RAD54L2: variants seen among roughly 807,000 people sequenced by gnomAD.
RAD54L2 encodes the protein helicase ARIP4.
A neutral mutation model predicts 138.4 loss-of-function variants in RAD54L2; 27 were observed. That is an observed-to-expected ratio of 0.20 (90% CI 0.14 to 0.27). RAD54L2 has a LOEUF of 0.27. Among genes scored for constraint, RAD54L2 ranks in the 10% least tolerant of loss-of-function variants. RAD54L2 has a pLI of 1.00. For synonymous variants in RAD54L2, 644 were observed against 723.2 expected (o/e 0.89, Z 1.76); for missense variants, 1,396 against 1,890.2 (o/e 0.74, Z 4.85).
chr3:51,605,366 A>G (rs1450859147), intron 3 of RAD54L2, among the ~76,000 whole-genome samples: 3 of 149,458 alleles, frequency 2.0e-5, no homozygotes, highest in Admixed American at 6.7e-5. Flanking sequence ...TGAGATTACA[A>G]CTGTGAGCCA....
intron 15 of RAD54L2, among the ~76,000 whole-genome samples, chr3:51,643,592 C>T (rs991992880): frequency 6.6e-6 from 1 of 152,176 alleles, no homozygotes; most frequent in Non-Finnish European, 1.5e-5. Flanking sequence ...GATTACTATA[C>T]ATTCCGAAGT....
chr3:51,572,609 C>T (rs1179488794), intron 2 of RAD54L2, among the ~76,000 whole-genome samples: 1 of 150,134 alleles, frequency 6.7e-6, no homozygotes, highest in Non-Finnish European at 1.5e-5. Flanking sequence ...CAGAACAAGA[C>T]GTCTCAAAAA....
chr3:51,591,345 T>C (rs938335854), intron 3 of RAD54L2, among the ~76,000 whole-genome samples: 1 of 152,244 alleles, frequency 6.6e-6, no homozygotes, highest in African/African-American at 2.4e-5. Flanking sequence ...GGTTTTTGTC[T>C]GTTCATAACA....
intron 3 of RAD54L2, among the ~76,000 whole-genome samples, chr3:51,612,858 A>G (rs564289329): frequency 8.0e-4 from 122 of 152,284 alleles, no homozygotes; most frequent in Middle Eastern, 3.4e-3. Flanking sequence ...TTTAATTTGG[A>G]TTTTAAAAGT....
intron 3 of RAD54L2, among the ~76,000 whole-genome samples, chr3:51,621,097 A>G (rs1700561002): frequency 6.6e-6 from 1 of 152,174 alleles, no homozygotes. Flanking sequence ...CAGATTTTTT[A>G]TTAAGAATAG....
intron 3 of RAD54L2, among the ~76,000 whole-genome samples, chr3:51,606,374 G>T (rs975498611): frequency 6.6e-6 from 1 of 152,162 alleles, no homozygotes; most frequent in African/African-American, 2.4e-5. Flanking sequence ...GTATGGAGAG[G>T]AGTAGCCTGA....
intron 2 of RAD54L2, among the ~76,000 whole-genome samples, chr3:51,569,847 A>G (rs986082048): frequency 6.6e-6 from 1 of 151,522 alleles, no homozygotes; most frequent in Non-Finnish European, 1.5e-5. Context: ...GTTTTATTTT[A>G]TTGTATTTTC....
chr3:51,608,984 A>G (rs935459814), intron 3 of RAD54L2, among the ~76,000 whole-genome samples: 4 of 152,090 alleles, frequency 2.6e-5, no homozygotes, highest in African/African-American at 9.7e-5. Flanking sequence ...TCCCCCTCCC[A>G]GGTTCAGGAA....
intron 21 of RAD54L2, among the ~76,000 whole-genome samples, 187 bp downstream of exon 21, chr3:51,657,856 G>T (rs1701645221): frequency 6.6e-6 from 1 of 150,900 alleles, no homozygotes; most frequent in Admixed American, 6.6e-5. Flanking sequence ...AGCCCATAGG[G>T]TATTAGTCAG....
At chr3:51,545,345 C>T (rs1312623158) in intron 2 of RAD54L2, among the ~76,000 whole-genome samples, 1 of 152,018 alleles carries the variant, frequency 6.6e-6, no homozygotes, top group Non-Finnish European at 1.5e-5. Flanking sequence ...GCGCGTGCCA[C>T]CACGCCTGGC....
At chr3:51,590,580 G>A (rs758277279) in intron 3 of RAD54L2, 21 bp downstream of exon 3, 11 of 1,552,260 alleles carry the variant, frequency 7.1e-6, no homozygotes, top group African/African-American at 1.4e-5. Context: ...TCTATTGAGT[G>A]ACAGAAGTTG....
At chr3:51,564,917 C>A (rs1699179461) in intron 2 of RAD54L2, among the ~76,000 whole-genome samples, 1 of 152,284 alleles carries the variant, frequency 6.6e-6, no homozygotes, top group East Asian at 1.9e-4. Context: ...AACAGCTTTT[C>A]ATTTGAAGAT....
chr3:51,554,481 A>G (rs1263064431), intron 2 of RAD54L2, among the ~76,000 whole-genome samples: 1 of 151,906 alleles, frequency 6.6e-6, no homozygotes, highest in Non-Finnish European at 1.5e-5. Flanking sequence ...CCGAGATGAT[A>G]TTATTGCACT....
chr3:51,586,859 A>G (rs543997771), intron 2 of RAD54L2, among the ~76,000 whole-genome samples: 5 of 152,044 alleles, frequency 3.3e-5, no homozygotes, highest in Non-Finnish European at 5.9e-5. Context: ...GTGAGCCACC[A>G]TGCCTGGCCA....
At chr3:51,583,586 A>ATT (rs34377858) in intron 2 of RAD54L2, among the ~76,000 whole-genome samples, 28 of 132,040 alleles carry the variant, frequency 2.1e-4, no homozygotes, top group East Asian at 6.7e-4. Flanking sequence ...CGCCCAGCTA[A>ATT]TTTTTTTTTT....
rs766013927 is a variant in RAD54L2 at position 51,662,377 on chromosome 3, T to C, written c.3410-49T>C. On this transcript the variant is annotated intron_variant, in intron 22 of 22. Transcript: ENST00000684192. This position sits in a 1 kb window ranked among gnomAD's most constrained non-coding sequence, Gnocchi z 4.6. ...AATGGAGTTTTCTCCTCTACCCTTC[T>C]TCTCTCCCTGGCCACTCTGATTCTC... 2.1e-6 allele frequency: 3 copies of C among 1,448,840 alleles called. No homozygotes were observed. In the Admixed American group the frequency reaches 7.5e-5, roughly 36 times the overall value. 89.7% of individuals were successfully genotyped at this position (1,448,840 alleles called of 1,614,324 possible). A position where few individuals can be genotyped will look rare whatever the true frequency, so the allele number is the denominator to read the frequency against.
chr3:51,565,284 G>T (rs1027784165), intron 2 of RAD54L2, among the ~76,000 whole-genome samples: 1 of 152,232 alleles, frequency 6.6e-6, no homozygotes, highest in Non-Finnish European at 1.5e-5. Flanking sequence ...CTGGGTTGGC[G>T]TGTGGGGGTG....
At position 51,633,721 on chromosome 3, in the gene RAD54L2, C is replaced by T. The variant is rs750018536; in HGVS notation, c.970C>T (p.Arg324Cys). The T allele has an allele frequency of 3.7e-6, 6 of 1,613,902 alleles. No homozygotes were observed. Among genetic ancestry groups the T allele is most frequent in the East Asian group, 4.5e-5 (2 of 44,880 alleles). ...GATCTCTTTCATCGACGTCCTCTTC[C>T]GCCACACGCCAGCCAAAACAGTCCT... ...QVISFIDVLF[R>C]HTPAKTVLAI... The change falls in exon 8 of 23, where the codon CGC becomes TGC. Residue 324 changes from arginine (R) to cysteine (C), a missense_variant. By Grantham distance (180) the Arg-to-Cys change is radical. This residue lies in a region of RAD54L2 where 169 missense variants were observed against 235.6 expected (regional missense o/e 0.72). Coordinates refer to ENST00000684192, the MANE Select transcript of RAD54L2 (RefSeq NM_015106.4).
intron 3 of RAD54L2, among the ~76,000 whole-genome samples, chr3:51,600,735 G>A (rs1388649835): frequency 6.6e-6 from 1 of 152,200 alleles, no homozygotes; most frequent in Non-Finnish European, 1.5e-5. Flanking sequence ...GGGAGGCCAA[G>A]GCGCATAGAT....
Sources: gnomAD v4.1 joint callset for allele counts (sites outside exome capture counted in the v4.1 genomes callset) on GRCh38, gnomAD v4.1.1 for gene constraint, gnomAD v4.1.1 regional missense constraint, Gnocchi (gnomAD v3.1) non-coding constraint, MANE v1.5 for transcripts, NCBI Gene and HGNC (gene_info 2026-07-23, HGNC 2026-07-21) for gene names.